Variants in RWDD4 observed in about 807,000 individuals in gnomAD.
RWDD4 encodes RWD domain-containing protein 4.
In RWDD4, 16 loss-of-function variants were observed where a neutral mutation model predicts 30.0. The observed-to-expected ratio is 0.53, with a 90% CI of 0.36 to 0.81. The LOEUF is 0.81. Ranked by LOEUF, RWDD4 falls within the 30% of genes least tolerant of loss-of-function variation. The probability of loss-of-function intolerance (pLI) is 0.00; values close to 1 mark genes in which losing one functional copy is unlikely to be tolerated. For synonymous variants in RWDD4, 45 were observed against 72.1 expected, an observed-to-expected ratio of 0.62 and a Z score of 1.90; for missense variants, 170 against 223.9, an observed-to-expected ratio of 0.76 and a Z score of 1.54.
intron 7 of RWDD4, among the ~76,000 whole-genome samples, chr4:183,645,639 C>T (rs1053487335): frequency 4.6e-5 from 7 of 151,138 alleles, no homozygotes; most frequent in Non-Finnish European, 8.8e-5. Flanking sequence ...CATGGTGGCA[C>T]ATGCCTTTGA....
chr4:183,651,310 A>G lies in RWDD4; in HGVS notation c.123T>C (p.Asp41=), dbSNP rs1406675260. The change falls in exon 3 of 8, where the codon GAT becomes GAC. Residue 41 remains aspartate (D), a synonymous_variant. Coordinates refer to ENST00000326397, the MANE Select transcript of RWDD4 (RefSeq NM_152682.4). ...SFQYRIGENG[D]PKAFLIEISW... is the part of the protein sequence containing the mutation. ...AAATCTCTATTAAGAAGGCTTTGGG[A>G]TCACCATTTTCACCTATCTGAAGAG... 5.0e-6 allele frequency: 8 copies of G among 1,611,488 alleles called. No homozygotes were observed. In the Admixed American group the frequency reaches 6.7e-5, roughly 13 times the overall value.
chr4:183,650,220 A>C (rs1383490948), intron 4 of RWDD4, among the ~76,000 whole-genome samples: 1 of 152,210 alleles, frequency 6.6e-6, no homozygotes, highest in Non-Finnish European at 1.5e-5. Context: ...AAAGTCACAG[A>C]GTTGGTGAGT....
At chr4:183,655,569 C>T (rs970134235) in intron 2 of RWDD4, among the ~76,000 whole-genome samples, 1 of 152,130 alleles carries the variant, frequency 6.6e-6, no homozygotes, top group Admixed American at 6.5e-5. Context: ...CAGGTGAGAG[C>T]CACCGCGCCC....
chr4:183,650,901 A>G, intron 4 of RWDD4, 83 bp downstream of exon 4: 1 of 1,352,714 alleles, frequency 7.4e-7, no homozygotes, highest in South Asian at 1.5e-5. Flanking sequence ...GATTTTGAAT[A>G]TATATTAAGT....
chr4:183,655,093 A>G (rs1734159339), intron 2 of RWDD4, among the ~76,000 whole-genome samples: 1 of 151,820 alleles, frequency 6.6e-6, no homozygotes, highest in African/African-American at 2.4e-5. Context: ...GGCATGCACC[A>G]TCATGCGTGG....
intron 2 of RWDD4, 32 bp from the exon 3 acceptor site, chr4:183,651,359 A>G: frequency 1.3e-6 from 2 of 1,512,324 alleles, no homozygotes; most frequent in Non-Finnish European, 1.8e-6. Context: ...AGGCTTGTAA[A>G]AGGTGATAAA....
chr4:183,652,931 C>T (rs1049649297), intron 2 of RWDD4, among the ~76,000 whole-genome samples: 31 of 152,094 alleles, frequency 2.0e-4, no homozygotes, highest in African/African-American at 7.2e-4. Context: ...CCTATGTTGC[C>T]CAGGCTGGTC....
Position 183,641,481 on chromosome 4 carries a change from G to T in RWDD4, c.535-13C>A. ...CAGTTTTGCTTAACTATAAAAAAAAGAGAGAAAATAGTCAACAAGTGGTAT... is the reference window on the plus strand; with the variant it reads ...CAGTTTTGCTTAACTATAAAAAAAATAGAGAAAATAGTCAACAAGTGGTAT... On this transcript the variant is annotated splice_polypyrimidine_tract_variant and intron_variant, in intron 7 of 7. Transcript: ENST00000326397. 6.3e-7 allele frequency: 1 copy of T among 1,596,470 alleles called. No individual in the cohort carries two copies. Among genetic ancestry groups the T allele is most frequent in the Non-Finnish European group, 8.6e-7 (1 of 1,166,446 alleles).
Position 183,658,919 on chromosome 4 carries a change from G to A in RWDD4, c.24+10C>T, listed in dbSNP as rs748067117. 7 of 1,267,770 alleles carry A rather than the reference G, an allele frequency of 5.5e-6. No individual in the cohort carries two copies. In the East Asian group the frequency reaches 1.5e-4, roughly 27 times the overall value. The allele number at this position is 1,267,770 out of a possible 1,614,324, so 78.5% of individuals were successfully genotyped here. A position where few individuals can be genotyped will look rare whatever the true frequency, so the allele number is the denominator to read the frequency against. ...CGCGCTGGGAGAGGGCCCTGAGCCG[G>A]GGGGCTCACCTCCTGGTCCTCGTTG... On this transcript the variant is annotated intron_variant, in intron 1 of 7. Transcript: ENST00000326397.
intron 7 of RWDD4, among the ~76,000 whole-genome samples, chr4:183,643,117 A>AAAATT (rs1733896001): frequency 1.4e-5 from 1 of 72,646 alleles, no homozygotes; most frequent in Non-Finnish European, 2.4e-5. Context: ...ATAAAAATTA[A>AAAATT]AAAAAAAAAA....
intron 7 of RWDD4, among the ~76,000 whole-genome samples, chr4:183,644,785 A>G (rs1465671525): frequency 1.4e-4 from 12 of 86,372 alleles, no homozygotes; most frequent in East Asian, 3.6e-4. Context: ...TTCAAAAAAA[A>G]AAAGAAAAGA....
intron 5 of RWDD4, among the ~76,000 whole-genome samples, chr4:183,647,250 T>C (rs4505864): frequency 0.038 from 5,727 of 152,310 alleles, 153 homozygotes; most frequent in South Asian, 0.1. Context: ...ATGTATGCCA[T>C]GCATGTCTCC....
intron 7 of RWDD4, 24 bp from the exon 8 acceptor site, chr4:183,641,492 G>A: frequency 6.4e-7 from 1 of 1,574,300 alleles, no homozygotes; most frequent in Non-Finnish European, 8.7e-7. Context: ...AGAGAAAATA[G>A]TCAACAAGTG....
chr4:183,643,013 C>T (rs972455623), intron 7 of RWDD4, among the ~76,000 whole-genome samples: 1 of 146,610 alleles, frequency 6.8e-6, no homozygotes, highest in African/African-American at 2.5e-5. Context: ...GAGCCGAGAT[C>T]GTGTGACTGC....
intron 7 of RWDD4, among the ~76,000 whole-genome samples, chr4:183,645,811 T>C (rs1249067998): frequency 6.6e-6 from 1 of 152,200 alleles, no homozygotes; most frequent in African/African-American, 2.4e-5. Flanking sequence ...ACTAAGAAAG[T>C]AAAACATTCT....
chr4:183,656,663 G>C (rs1366261417), intron 1 of RWDD4, among the ~76,000 whole-genome samples: 1 of 152,176 alleles, frequency 6.6e-6, no homozygotes, highest in Non-Finnish European at 1.5e-5. Flanking sequence ...TTTTCAAAAA[G>C]ATGCATGTCA....
intron 2 of RWDD4, among the ~76,000 whole-genome samples, chr4:183,655,137 C>T (rs1734160917): frequency 6.6e-6 from 1 of 151,746 alleles, no homozygotes; most frequent in African/African-American, 2.4e-5. Flanking sequence ...GACAGGGTTT[C>T]ACCTTGTTGG....
At chr4:183,646,609 T>C (rs988399752) in intron 5 of RWDD4, 72 bp from the exon 6 acceptor site, 38 of 1,304,522 alleles carry the variant, frequency 2.9e-5, no homozygotes, top group Non-Finnish European at 3.8e-5. Context: ...AGATTTTATA[T>C]ACTACTGTAC....
chr4:183,644,344 G>A (rs4624700), intron 7 of RWDD4, among the ~76,000 whole-genome samples: 39,225 of 152,166 alleles, frequency 0.26, 6,072 homozygotes, highest in African/African-American at 0.43. Context: ...GAAATACTGT[G>A]TCTCTTCCAA....
Sources: allele counts gnomAD v4.1 joint callset (sites outside exome capture counted in the v4.1 genomes callset), GRCh38; gene constraint gnomAD v4.1.1; transcripts MANE v1.5; gene names NCBI Gene and HGNC (gene_info 2026-07-23, HGNC 2026-07-21).